The following KLK4 variants were observed in gnomAD, a reference collection of about 807,000 sequenced individuals.
The protein encoded by KLK4 is kallikrein related peptidase 4, also known as kallikrein-4.
Under a neutral mutation model 24.3 loss-of-function variants are expected in KLK4, and 24 were observed. The observed-to-expected ratio is 0.99, with a 90% CI of 0.72 to 1.39. The LOEUF (loss-of-function observed/expected upper bound fraction) is 1.39. Ranked by LOEUF, KLK4 falls within the 40% of genes most tolerant of loss-of-function variation. KLK4 has a pLI of 0.00. For missense variants in KLK4, 344 were observed against 327.4 expected (o/e 1.05, Z -0.39); for synonymous variants, 142 against 138.8 (o/e 1.02, Z -0.16).
chr19:50,908,454 C>A (rs780404160), exon 5 of KLK4: 3 of 1,614,196 alleles, frequency 1.9e-6, no homozygotes, highest in Admixed American at 3.3e-5. Context: ...TCCTCAGACA[C>A]CACCGACACG....
Position 50,908,848 on chromosome 19 carries a change from A to G in KLK4, c.225-19T>C. 1 of 1,609,180 alleles carries G rather than the reference A, an allele frequency of 6.2e-7. No individual in the cohort carries two copies. Among genetic ancestry groups the G allele is most frequent in the African/African-American group, 1.3e-5 (1 of 74,958 alleles). ...GTAGGAGCTGTGGGCCACGGAGGGCAGGTCAGTTTTGTGGCAACTACATCC... is the reference window on the plus strand; with the variant it reads ...GTAGGAGCTGTGGGCCACGGAGGGCGGGTCAGTTTTGTGGCAACTACATCC... On this transcript the variant is annotated intron_variant, in intron 3 of 5. Coordinates refer to ENST00000324041, the Ensembl canonical transcript of KLK4.
chr19:50,908,878 C>T, intron 3 of KLK4, 49 bp from the exon 4 acceptor site: 1 of 1,602,264 alleles, frequency 6.2e-7, no homozygotes. Context: ...ACATCCTTAC[C>T]TCCATTCTCA....
At chr19:50,906,580 G>T in exon 6 of KLK4, 1 of 331,198 alleles carries the variant, frequency 3.0e-6, no homozygotes, top group Non-Finnish European at 5.6e-6. Flanking sequence ...GAGGGGTTGG[G>T]GGCCTGGACC....
chr19:50,908,422 G>C (rs2090452967), exon 5 of KLK4: 1 of 1,614,000 alleles, frequency 6.2e-7, no homozygotes, highest in African/African-American at 1.3e-5. Flanking sequence ...GGTACAGCGG[G>C]TCATAGAGCT....
chr19:50,911,079 G>T (rs557327539), intron 1 of KLK4, among the ~76,000 whole-genome samples: 98 of 152,344 alleles, frequency 6.4e-4, no homozygotes, highest in African/African-American at 2.2e-3. Flanking sequence ...GACACACAGA[G>T]AATCAGAGCC....
exon 6 of KLK4, chr19:50,906,988 G>A (rs1302901329): frequency 6.2e-7 from 1 of 1,614,054 alleles, no homozygotes; most frequent in Non-Finnish European, 8.5e-7. Context: ...AGAGGTTGGT[G>A]TAGACACCTG....
In KLK4 at chr19:50,910,719, G is replaced by A. The variant is rs757808252; in HGVS notation, c.20C>T (p.Pro7Leu). Residue 7 changes from proline (P) to leucine (L), a missense_variant, in exon 2 of 6, where the codon CCC becomes CTC. By Grantham distance (98) the Pro-to-Leu change is moderately conservative. Transcript: ENST00000324041. The surrounding 1 kb of genome is among the most constrained non-coding windows in gnomAD (Gnocchi z 4.4). ...GAGGTACCCCAGGAACCAGCCCCAGGGATTTCCTGCTGTGGCCATCACGTC... is the reference window on the plus strand; with the variant it reads ...GAGGTACCCCAGGAACCAGCCCCAGAGATTTCCTGCTGTGGCCATCACGTC... The A allele has an allele frequency of 3.2e-6, 5 of 1,554,692 alleles. No individual in the cohort carries two copies. Among genetic ancestry groups the A allele is most frequent in the Admixed American group, 3.9e-5 (2 of 51,298 alleles).
At chr19:50,909,407 G>A (rs756730929) in exon 3 of KLK4, 4 of 1,614,044 alleles carry the variant, frequency 2.5e-6, no homozygotes, top group African/African-American at 2.7e-5. Context: ...TACCAGAGAC[G>A]AGCGATCCTG....
chr19:50,908,714 C>T, exon 4 of KLK4: 1 of 1,614,144 alleles, frequency 6.2e-7, no homozygotes, highest in Non-Finnish European at 8.5e-7. Context: ...AGGTCGTTAG[C>T]GAGCAAGGGT....
chr19:50,908,303 C>T (rs2090451241), intron 5 of KLK4, 56 bp downstream of exon 5: 3 of 1,602,480 alleles, frequency 1.9e-6, no homozygotes, highest in Non-Finnish European at 2.5e-6. Context: ...GTGTCTCTGT[C>T]TCCCCCTTCT....
chr19:50,909,243 T>C lies in KLK4; in HGVS notation c.224+9A>G, dbSNP rs1166582157. On this transcript the variant is annotated intron_variant, in intron 3 of 5. Transcript: ENST00000324041. ...AGGCCCTGCCCACTCCCCCTACCTC[T>C]GCACTCACTTCTGGAAACAGTGTGC... is the stretch of plus-strand genomic sequence containing the variant. The C allele has an allele frequency of 3.1e-6, 5 of 1,614,084 alleles. No individual in the cohort carries two copies. The highest frequency in any genetic ancestry group is 4.2e-6 in the Non-Finnish European group (5 of 1,179,996).
In KLK4 at chr19:50,911,328, A is replaced by G. The variant is rs1468881787; in HGVS notation, c.-12+11T>C. Among the ~76,000 whole-genome samples, 2 of 152,212 alleles carry G rather than the reference A, an allele frequency of 1.3e-5. No individual in the cohort carries two copies. Among genetic ancestry groups the G allele is most frequent in the Non-Finnish European group, 2.9e-5 (2 of 68,042 alleles). On this transcript the variant is annotated intron_variant, in intron 1 of 5. Transcript: ENST00000324041. ...TGCAGGCTTTTAGTGGGGGACCACCAGGCCTCTTACCCGGCCACCTCTGGG... is the reference window on the plus strand; with the variant it reads ...TGCAGGCTTTTAGTGGGGGACCACCGGGCCTCTTACCCGGCCACCTCTGGG...
At chr19:50,907,579 G>T (rs1398310672) in intron 5 of KLK4, among the ~76,000 whole-genome samples, 1 of 151,832 alleles carries the variant, frequency 6.6e-6, no homozygotes. Flanking sequence ...GCTAACTTTT[G>T]TATTTTTAGT....
intron 5 of KLK4, chr19:50,908,012 T>C (rs1034144321): frequency 1.5e-5 from 6 of 407,482 alleles, no homozygotes; most frequent in Non-Finnish European, 2.8e-5. Flanking sequence ...AGGCTCCCCG[T>C]CAACAGTAGG....
At chr19:50,908,521 C>G (rs1317988192) in intron 4 of KLK4, 26 bp from the exon 5 acceptor site, 2 of 1,614,184 alleles carry the variant, frequency 1.2e-6, no homozygotes, top group Non-Finnish European at 1.7e-6. Flanking sequence ...CTGGGTCAGC[C>G]CCCGCGACTG....
rs937595351 is a variant in KLK4, at chr19:50,909,542, G to C, written c.62-128C>G. ...CAGGGCTCCTCGGGGCGGAGTCAGG[G>C]CTGGGAACGGGCTCAGGAGGCGGGC... On this transcript the variant is annotated intron_variant, in intron 2 of 5. Transcript: ENST00000324041. 238 of 1,034,680 alleles carry C rather than the reference G, an allele frequency of 2.3e-4. 1 individual carries two copies. In the African/African-American group the frequency reaches 3.3e-3, roughly 14 times the overall value. 64.1% of individuals were successfully genotyped at this position (1,034,680 alleles called of 1,614,324 possible). A position where few individuals can be genotyped will look rare whatever the true frequency, so the allele number is the denominator to read the frequency against.
exon 4 of KLK4, chr19:50,908,735 C>G: frequency 6.2e-7 from 1 of 1,614,200 alleles, no homozygotes; most frequent in Non-Finnish European, 8.5e-7. Context: ...CTGTTGTACT[C>G]TGGGTGCCGT....
Position 50,910,489 on chromosome 19 carries a change from C to A in KLK4, c.61+189G>T, listed in dbSNP as rs112627411. Reference sequence around the variant, plus strand: ...TCACAGGTACAACCACACACCCAGGCACACTGCCACACACAAATTTACCAC... The same window carrying A: ...TCACAGGTACAACCACACACCCAGGAACACTGCCACACACAAATTTACCAC... On this transcript the variant is annotated intron_variant, in intron 2 of 5. Transcript: ENST00000324041. This position sits in a 1 kb window ranked among gnomAD's most constrained non-coding sequence, Gnocchi z 4.4. 3.3e-3 allele frequency among the ~76,000 whole-genome samples: 508 copies of A among 152,224 alleles called. 3 individuals are homozygous for A. The highest frequency in any genetic ancestry group is 0.012 in the African/African-American group (483 of 41,532).
In KLK4 at chr19:50,908,596, C is replaced by T. The variant is rs104894704; in HGVS notation, c.458G>A (p.Trp153Ter). ...GAGCTCACCGTTCGCCAGCAGACCC[C>T]AGCCAGAAACGAGGCAAGAGTTCCC... is the stretch of plus-strand genomic sequence containing the variant. The change falls in exon 4 of 6, where the codon TGG (tryptophan) becomes TAG (stop). Residue 153 changes from tryptophan to a stop codon, truncating the protein, a stop_gained. Coordinates refer to ENST00000324041, the Ensembl canonical transcript of KLK4. LOFTEE classifies it high-confidence loss of function. The T allele has an allele frequency of 1.1e-4, 179 of 1,614,264 alleles. 1 individual carries two copies. In the African/African-American group the frequency reaches 2.2e-3, roughly 20 times the overall value.
Sources: gnomAD v4.1 joint callset for allele counts (sites outside exome capture counted in the v4.1 genomes callset) on GRCh38, gnomAD v4.1.1 for gene constraint, Gnocchi (gnomAD v3.1) non-coding constraint, MANE v1.5 for transcripts, NCBI Gene and HGNC (gene_info 2026-07-23, HGNC 2026-07-21) for gene names.